The following ACSM6 variants were observed in gnomAD, a reference collection of about 807,000 sequenced individuals.
ACSM6 encodes the protein acyl-CoA synthetase medium chain family member 6.
A neutral mutation model predicts 51.1 loss-of-function variants in ACSM6; 35 were observed. That is an observed-to-expected ratio of 0.69 (90% CI 0.52 to 0.91). ACSM6 has a LOEUF of 0.91. ACSM6 is among the 40% of genes least tolerant of loss of function. The pLI, the probability that ACSM6 is intolerant of heterozygous loss-of-function variation, is 0.00. For missense variants in ACSM6, 509 were observed against 584.1 expected, an observed-to-expected ratio of 0.87 and a Z score of 1.32; for synonymous variants, 172 against 207.3, an observed-to-expected ratio of 0.83 and a Z score of 1.46.
intron 7 of ACSM6, 69 bp from the exon 8 acceptor site, chr10:95,214,783 C>G: frequency 6.7e-7 from 1 of 1,497,812 alleles, no homozygotes; most frequent in Non-Finnish European, 9.0e-7. Flanking sequence ...TTCCAAGATT[C>G]TTTCTAACAG....
intron 4 of ACSM6, among the ~76,000 whole-genome samples, chr10:95,210,116 A>C (rs912609978): frequency 1.3e-5 from 2 of 152,232 alleles, no homozygotes; most frequent in African/African-American, 4.8e-5. Flanking sequence ...TTCATTATTT[A>C]AAAACATTTC....
At chr10:95,211,448 T>G (rs2034891823) in intron 5 of ACSM6, among the ~76,000 whole-genome samples, 1 of 152,252 alleles carries the variant, frequency 6.6e-6, no homozygotes, top group African/African-American at 2.4e-5. Flanking sequence ...CTTAACAAAC[T>G]ACACAAAGGT....
At chr10:95,220,891 A>C in intron 9 of ACSM6, among the ~76,000 whole-genome samples, 1 of 135,920 alleles carries the variant, frequency 7.4e-6, no homozygotes, top group Non-Finnish European at 1.7e-5. Flanking sequence ...TTTCTCTATT[A>C]ATAGAGTTAA....
chr10:95,195,116 G>T (rs530064372), intron 2 of ACSM6, among the ~76,000 whole-genome samples: 6 of 152,260 alleles, frequency 3.9e-5, no homozygotes, highest in Non-Finnish European at 7.4e-5. Flanking sequence ...CAACATTTTT[G>T]AGCATCTTCT....
intron 3 of ACSM6, among the ~76,000 whole-genome samples, chr10:95,202,683 G>C (rs2034806573): frequency 6.6e-6 from 1 of 151,962 alleles, no homozygotes; most frequent in Non-Finnish European, 1.5e-5. Flanking sequence ...CAACACTTCG[G>C]GAGGCCAAGG....
rs373850014 is a variant in ACSM6, at chr10:95,200,025, T to C, written c.193-1960T>C. 9.2e-4 allele frequency among the ~76,000 whole-genome samples: 140 copies of C among 152,260 alleles called. 2 individuals are homozygous for C. In the East Asian group the frequency reaches 0.026, roughly 28 times the overall value. On this transcript the variant is annotated intron_variant, in intron 2 of 10. Transcript: ENST00000341686. ...GGGTATATACCCAAAGGATTATAAA[T>C]CATGCTGCTATAAAGACACATGCAC... is the stretch of plus-strand genomic sequence containing the variant.
At chr10:95,211,856 T>TGG in intron 5 of ACSM6, 22 bp from the exon 6 acceptor site, 1 of 1,570,926 alleles carries the variant, frequency 6.4e-7, no homozygotes, top group Non-Finnish European at 8.6e-7. Flanking sequence ...AGAATTCAAA[T>TGG]GGCTTTCCTC....
intron 10 of ACSM6, 34 bp from the exon 11 acceptor site, chr10:95,228,607 AAGT>A: frequency 1.9e-6 from 3 of 1,540,358 alleles, no homozygotes; most frequent in Non-Finnish European, 2.6e-6. Flanking sequence ...TGTGAGAGGG[AAGT>A]AAATGTAGGT....
intron 8 of ACSM6, among the ~76,000 whole-genome samples, chr10:95,217,053 G>C (rs1373038630): frequency 6.6e-6 from 1 of 152,174 alleles, no homozygotes; most frequent in Non-Finnish European, 1.5e-5. Context: ...AGGAACAAAA[G>C]AAAATAGAGA....
Position 95,198,856 on chromosome 10 carries a change from A to C in ACSM6, c.193-3129A>C, listed in dbSNP as rs1424600444. On this transcript the variant is annotated intron_variant, in intron 2 of 10. Transcript: ENST00000341686. ...CCTGCCAATTCTCATTGTTATAATA[A>C]GAAACTCTATGGAAGAACATTCCAT... 2.0e-5 allele frequency among the ~76,000 whole-genome samples: 3 copies of C among 152,262 alleles called. No homozygotes were observed. The East Asian group carries it at 5.8e-4, about 29-fold the overall frequency.
intron 4 of ACSM6, among the ~76,000 whole-genome samples, 157 bp from the exon 5 acceptor site, chr10:95,210,493 G>T (rs1291390082): frequency 6.6e-6 from 1 of 152,120 alleles, no homozygotes; most frequent in Non-Finnish European, 1.5e-5. Flanking sequence ...AAAATTTAAG[G>T]GAAAAATGGC....
intron 3 of ACSM6, among the ~76,000 whole-genome samples, chr10:95,203,265 A>ACT (rs1342701201): frequency 6.6e-6 from 1 of 151,784 alleles, no homozygotes; most frequent in Non-Finnish European, 1.5e-5. Flanking sequence ...CCCAGATGGG[A>ACT]CTCTCTAGTT....
intron 3 of ACSM6, 132 bp from the exon 4 acceptor site, chr10:95,207,076 G>A: frequency 1.3e-6 from 1 of 788,716 alleles, no homozygotes; most frequent in South Asian, 1.7e-5. Context: ...TCGTGTTACT[G>A]ACCCAATAGA....
At chr10:95,203,598 C>T (rs2034814619) in intron 3 of ACSM6, among the ~76,000 whole-genome samples, 1 of 152,044 alleles carries the variant, frequency 6.6e-6, no homozygotes, top group Non-Finnish European at 1.5e-5. Flanking sequence ...GCTCAATCCT[C>T]CAACATAAAC....
chr10:95,200,143 G>T (rs1169371529), intron 2 of ACSM6, among the ~76,000 whole-genome samples: 2 of 152,048 alleles, frequency 1.3e-5, no homozygotes, highest in South Asian at 2.1e-4. Context: ...GTGGCACATA[G>T]ACACCATGGA....
In ACSM6 at chr10:95,219,984, A is replaced by G; in HGVS notation, c.1200+13A>G. On this transcript the variant is annotated intron_variant, in intron 9 of 10. Transcript: ENST00000341686. Reference sequence around the variant, plus strand: ...TTATATTGTCCAGGTAGGAGATCATAGTAATGATTATGACAGATATTATTA... The same window carrying G: ...TTATATTGTCCAGGTAGGAGATCATGGTAATGATTATGACAGATATTATTA... The G allele has an allele frequency of 1.3e-6, 2 of 1,579,360 alleles. No individual in the cohort carries two copies. The highest frequency in any genetic ancestry group is 1.7e-6 in the Non-Finnish European group (2 of 1,149,596).
chr10:95,214,863 A>G lies in ACSM6; in HGVS notation c.1007A>G (p.Lys336Arg). 9 of 1,551,378 alleles carry G rather than the reference A, an allele frequency of 5.8e-6. No individual in the cohort carries two copies. The highest frequency in any genetic ancestry group is 7.8e-6 in the Non-Finnish European group (9 of 1,146,810). ...TGATGCCTCTCCAGCTACAGATTCA[A>G]GAGTCTGAAGCAGTGTGTGGCTGCA... The change falls in exon 8 of 11, where the codon AAG (lysine) becomes AGG (arginine). Residue 336 changes from lysine to arginine, a missense_variant. Transcript: ENST00000341686.
chr10:95,197,642 G>A (rs1452009172), intron 2 of ACSM6, among the ~76,000 whole-genome samples: 3 of 152,180 alleles, frequency 2.0e-5, no homozygotes, highest in African/African-American at 7.2e-5. Flanking sequence ...TCTCAGAATT[G>A]AACAAATGTA....
At chr10:95,207,243 G>A (rs757073551) in exon 4 of ACSM6, 1 of 1,614,126 alleles carries the variant, frequency 6.2e-7, no homozygotes, top group Admixed American at 1.7e-5. Context: ...CCAGCTGACT[G>A]CCAAGAAAAT....
Sources: allele counts gnomAD v4.1 joint callset (sites outside exome capture counted in the v4.1 genomes callset), GRCh38; gene constraint gnomAD v4.1.1; transcripts MANE v1.5; gene names NCBI Gene and HGNC (gene_info 2026-07-23, HGNC 2026-07-21).